Variants in KAT2B observed in about 807,000 individuals in gnomAD.
KAT2B encodes the protein lysine acetyltransferase 2B, also known as histone acetyltransferase KAT2B.
In KAT2B, 36 loss-of-function variants were observed where a neutral mutation model predicts 105.9. The observed-to-expected ratio is 0.34, with a 90% confidence interval of 0.26 to 0.45. The LOEUF (loss-of-function observed/expected upper bound fraction) is 0.45, where lower values mean the gene tolerates loss of function less well. Ranked by LOEUF, KAT2B falls within the 20% of genes least tolerant of loss-of-function variation. The pLI is 1.00. For missense variants in KAT2B, 820 were observed against 1,021.6 expected (o/e 0.80, Z 2.69); for synonymous variants, 397 against 377.9 (o/e 1.05, Z -0.59).
intron 6 of KAT2B, among the ~76,000 whole-genome samples, chr3:20,112,647 A>T (rs1208538909): frequency 6.6e-6 from 1 of 152,208 alleles, no homozygotes; most frequent in African/African-American, 2.4e-5. Context: ...TTGGTCAGGA[A>T]GGTAAAAGGC....
rs1699334758 is a variant in KAT2B, at chr3:20,122,801, A to G, written c.1410A>G (p.Pro470=). Residue 470 remains proline (P), a synonymous_variant, in exon 9 of 18, where the codon CCA becomes CCG. Transcript: ENST00000263754. ...CGGACCCTGCAGCAATGCTTGGACC[A>G]GAGGTCAGCAGGGTAAACCTGGGCA... ...TITDPAAMLG[P]ETNFLSAHSA... 2 of 1,610,262 alleles carry G rather than the reference A, an allele frequency of 1.2e-6. No homozygotes were observed. Among genetic ancestry groups the G allele is most frequent in the East Asian group, 2.2e-5 (1 of 44,814 alleles).
chr3:20,142,846 G>A (rs1326512183), intron 13 of KAT2B, among the ~76,000 whole-genome samples: 2 of 152,050 alleles, frequency 1.3e-5, no homozygotes, highest in South Asian at 2.1e-4. Flanking sequence ...GAGAAAGCGC[G>A]AATAGGCTAT....
rs145428780 is a variant in KAT2B, at chr3:20,111,490, A to T, written c.852-106A>T. The T allele has an allele frequency of 3.2e-4, 280 of 885,294 alleles. No homozygotes were observed. In the African/African-American group the frequency reaches 4.1e-3, roughly 13 times the overall value. 54.8% of individuals were successfully genotyped at this position (885,294 alleles called of 1,614,324 possible). A position where few individuals can be genotyped will look rare whatever the true frequency, so the allele number is the denominator to read the frequency against. ...TATTGTTGCTTGTTATTGCAGGCCT[A>T]GTTTTTTTCTGCTATAGTTAATAGT... On this transcript the variant is annotated intron_variant, in intron 5 of 17. Coordinates refer to ENST00000263754, the MANE Select transcript of KAT2B (RefSeq NM_003884.5).
intron 2 of KAT2B, among the ~76,000 whole-genome samples, chr3:20,084,515 C>G (rs189935771): frequency 6.6e-6 from 1 of 152,206 alleles, no homozygotes; most frequent in African/African-American, 2.4e-5. Flanking sequence ...CTCCCTATTC[C>G]TTTCTACTTT....
chr3:20,072,530 C>CTGTGGG (rs1698343724), intron 2 of KAT2B, 71 bp downstream of exon 2: 1 of 1,482,664 alleles, frequency 6.7e-7, no homozygotes, highest in African/African-American at 1.4e-5. Flanking sequence ...TTACTGAATT[C>CTGTGGG]TGTGGGTTCA....
At chr3:20,062,181 A>G (rs1039567417) in intron 1 of KAT2B, among the ~76,000 whole-genome samples, 2 of 61,600 alleles carry the variant, frequency 3.2e-5, no homozygotes, top group East Asian at 6.1e-4. Context: ...TATAATATAT[A>G]ATATATAAAA....
chr3:20,062,190 AAT>A (rs1201457055), intron 1 of KAT2B, among the ~76,000 whole-genome samples: 5 of 40,212 alleles, frequency 1.2e-4, no homozygotes, highest in East Asian at 7.7e-4. Flanking sequence ...TAATATATAA[AAT>A]ATATATATTT....
At chr3:20,084,610 T>A (rs1381146650) in intron 2 of KAT2B, among the ~76,000 whole-genome samples, 1 of 151,886 alleles carries the variant, frequency 6.6e-6, no homozygotes, top group African/African-American at 2.4e-5. Flanking sequence ...CAAAAAAAAA[T>A]CACAAAACCA....
intron 1 of KAT2B, among the ~76,000 whole-genome samples, chr3:20,049,509 C>A (rs1697877175): frequency 6.6e-6 from 1 of 152,162 alleles, no homozygotes; most frequent in Non-Finnish European, 1.5e-5. Flanking sequence ...CCAAGTAGAT[C>A]CTCTTTCCTA....
intron 11 of KAT2B, among the ~76,000 whole-genome samples, chr3:20,136,335 C>G (rs1699598272): frequency 6.6e-6 from 1 of 152,086 alleles, no homozygotes; most frequent in Non-Finnish European, 1.5e-5. Context: ...TGTTGACTAC[C>G]TTTAGTTACT....
intron 5 of KAT2B, among the ~76,000 whole-genome samples, chr3:20,108,504 A>G (rs1489453763): frequency 2.0e-5 from 3 of 152,250 alleles, no homozygotes; most frequent in Non-Finnish European, 4.4e-5. Context: ...ATATAATGAC[A>G]GTAGTCCTTT....
chr3:20,059,760 T>C (rs747167749), intron 1 of KAT2B, among the ~76,000 whole-genome samples: 2 of 152,160 alleles, frequency 1.3e-5, no homozygotes, highest in Non-Finnish European at 2.9e-5. Context: ...GGTACCATAA[T>C]ATTCTCTAGT....
At chr3:20,093,309 G>T (rs1698755160) in intron 2 of KAT2B, among the ~76,000 whole-genome samples, 1 of 152,164 alleles carries the variant, frequency 6.6e-6, no homozygotes, top group Admixed American at 6.5e-5. Context: ...ATTGGGAGCT[G>T]GTGTAGAACA....
chr3:20,108,918 C>T (rs1349879937), intron 5 of KAT2B, among the ~76,000 whole-genome samples: 1 of 152,146 alleles, frequency 6.6e-6, no homozygotes, highest in African/African-American at 2.4e-5. Context: ...ACAGTTTCAT[C>T]TGGAAACCAT....
chr3:20,059,578 G>A (rs961746421), intron 1 of KAT2B, among the ~76,000 whole-genome samples: 21 of 149,520 alleles, frequency 1.4e-4, no homozygotes, highest in African/African-American at 3.9e-4. Flanking sequence ...GGTGGCGGGC[G>A]CCTGTAGTCC....
chr3:20,072,377 C>G lies in KAT2B; in HGVS notation c.348C>G (p.Pro116=). The G allele has an allele frequency of 6.2e-7, 1 of 1,613,204 alleles. No individual in the cohort carries two copies. Among genetic ancestry groups the G allele is most frequent in the Non-Finnish European group, 8.5e-7 (1 of 1,179,202 alleles). ...GTAATGGCTGGAAAAACCCTAACCC[C>G]TCACCCACTCCCCCCAGAGCCGACC... is the stretch of plus-strand genomic sequence containing the variant. ...CKCNGWKNPN[P]SPTPPRADLQ... is the part of the protein sequence containing the mutation. Residue 116 remains proline (P), a synonymous_variant, in exon 2 of 18, where the codon CCC becomes CCG. Coordinates refer to ENST00000263754, the MANE Select transcript of KAT2B (RefSeq NM_003884.5).
At chr3:20,062,369 TATAATATATTATATATAAC>T (rs1164755078) in intron 1 of KAT2B, among the ~76,000 whole-genome samples, 1 of 110,616 alleles carries the variant, frequency 9.0e-6, no homozygotes, top group Non-Finnish European at 1.9e-5. Flanking sequence ...ATATATAATT[TATAATATATTATATATAAC>T]ATAATAAATT....
intron 7 of KAT2B, among the ~76,000 whole-genome samples, chr3:20,118,380 A>G (rs1331567878): frequency 6.7e-6 from 1 of 148,780 alleles, no homozygotes; most frequent in Non-Finnish European, 1.5e-5. Flanking sequence ...ATATGTATAT[A>G]TAAAACTTAG....
chr3:20,103,140 T>C (rs900233102), intron 5 of KAT2B, among the ~76,000 whole-genome samples: 1 of 152,190 alleles, frequency 6.6e-6, no homozygotes, highest in Non-Finnish European at 1.5e-5. Flanking sequence ...TCTTTCATTT[T>C]AGGATTTTAC....
Sources: allele counts gnomAD v4.1 joint callset (sites outside exome capture counted in the v4.1 genomes callset), GRCh38; gene constraint gnomAD v4.1.1; transcripts MANE v1.5; gene names NCBI Gene and HGNC (gene_info 2026-07-23, HGNC 2026-07-21).